CPEB1: variants seen among roughly 807,000 people sequenced by gnomAD.
The protein encoded by CPEB1 is cytoplasmic polyadenylation element-binding protein 1.
A neutral mutation model predicts 65.8 loss-of-function variants in CPEB1; 7 were observed. The ratio of observed to expected loss-of-function variants is 0.11; its 90% CI spans 0.06 to 0.20. The LOEUF (loss-of-function observed/expected upper bound fraction) is 0.20, where lower values mean the gene tolerates loss of function less well. Among genes scored for constraint, CPEB1 ranks in the 10% least tolerant of loss-of-function variants. The probability of loss-of-function intolerance (pLI) is 1.00; values close to 1 mark genes in which losing one functional copy is unlikely to be tolerated. For missense variants in CPEB1, 551 were observed against 712.2 expected, an observed-to-expected ratio of 0.77 and a Z score of 2.58; for synonymous variants, 262 against 260.0, an observed-to-expected ratio of 1.01 and a Z score of -0.08.
At chr15:82,630,100 G>A in intron 1 of CPEB1, 1 of 985,380 alleles carries the variant, frequency 1.0e-6, no homozygotes, top group Non-Finnish European at 1.2e-6. Flanking sequence ...AGGCTAAGAT[G>A]CAAAGATTTA....
intron 4 of CPEB1, among the ~76,000 whole-genome samples, chr15:82,562,620 G>C (rs1034389780): frequency 6.6e-6 from 1 of 152,004 alleles, no homozygotes; most frequent in Non-Finnish European, 1.5e-5. Context: ...CAGGAGGACT[G>C]CTTGAGACCA....
chr15:82,555,597 C>T (rs80128679), intron 6 of CPEB1, among the ~76,000 whole-genome samples: 5 of 152,340 alleles, frequency 3.3e-5, no homozygotes, highest in East Asian at 3.9e-4. Flanking sequence ...CTCCACGGAA[C>T]GGCACAAGTG....
At chr15:82,643,258 T>C (rs1170771591) in intron 1 of CPEB1, among the ~76,000 whole-genome samples, 2 of 152,204 alleles carry the variant, frequency 1.3e-5, no homozygotes, top group East Asian at 1.9e-4. Context: ...GAAAGCTATC[T>C]AGCTTGTGTC....
At chr15:82,614,492 A>C (rs2044497793) in intron 3 of CPEB1, among the ~76,000 whole-genome samples, 1 of 152,242 alleles carries the variant, frequency 6.6e-6, no homozygotes, top group Non-Finnish European at 1.5e-5. Flanking sequence ...AAAATTACTG[A>C]AGTCTAAATA....
chr15:82,543,630 C>T lies in CPEB1; in HGVS notation c.*962G>A, dbSNP rs1011830212. ...AGGGCTCCTGTGAGCCTTCATCTGC[C>T]CCCACCGAAAAGCAGCCCTTTTTAG... On this transcript the variant is annotated 3_prime_UTR_variant, in exon 13 of 13. Coordinates refer to ENST00000684509, the MANE Select transcript of CPEB1 (RefSeq NM_001365242.1). 6.6e-6 allele frequency: 1 copy of T among 151,994 alleles called. No homozygotes were observed. The highest frequency in any genetic ancestry group is 6.6e-5 in the Admixed American group (1 of 15,240). The allele number at this position is 151,994 out of a possible 1,614,324, so 9.4% of individuals were successfully genotyped here.
At chr15:82,624,245 A>T (rs1367796659) in intron 3 of CPEB1, among the ~76,000 whole-genome samples, 1 of 152,156 alleles carries the variant, frequency 6.6e-6, no homozygotes, top group African/African-American at 2.4e-5. Context: ...GAGAGAGTTC[A>T]CCACACATGG....
rs2036707761 is a variant in CPEB1, at chr15:82,553,792, GC to G, written c.1054+85del. ...ACCCTGAGCTCAGGCAGGGCATTCA[GC>G]CCCTGGCCTCAATTCCAAGTTTCAT... On this transcript the variant is annotated intron_variant, in intron 7 of 12. Transcript: ENST00000684509. 3.3e-5 allele frequency: 32 copies of G among 981,936 alleles called. No homozygotes were observed. The East Asian group carries it at 6.9e-4, about 21-fold the overall frequency. 60.8% of individuals were successfully genotyped at this position (981,936 alleles called of 1,614,324 possible).
chr15:82,639,129 G>A (rs147827431), intron 1 of CPEB1, among the ~76,000 whole-genome samples: 1 of 152,188 alleles, frequency 6.6e-6, no homozygotes, highest in African/African-American at 2.4e-5. Context: ...ACAGAGTAAA[G>A]GCCAAGTTCC....
chr15:82,628,291 G>C (rs1234964417), intron 2 of CPEB1, 73 bp downstream of exon 2: 1 of 702,446 alleles, frequency 1.4e-6, no homozygotes, highest in East Asian at 2.7e-5. Context: ...AGAAACTGTA[G>C]ATATGACAAA....
At chr15:82,591,989 G>A (rs547091765) in intron 3 of CPEB1, among the ~76,000 whole-genome samples, 7 of 151,482 alleles carry the variant, frequency 4.6e-5, no homozygotes, top group East Asian at 2.0e-4. Flanking sequence ...AGCTACAGGC[G>A]TGTGCCACCA....
At position 82,571,485 on chromosome 15, in the gene CPEB1, T is replaced by C. The variant is rs201068240; in HGVS notation, c.319A>G (p.Thr107Ala). 6.9e-5 allele frequency: 111 copies of C among 1,614,120 alleles called. No homozygotes were observed. The East Asian group carries it at 2.0e-3, about 29-fold the overall frequency. Residue 107 changes from threonine (T) to alanine (A), a missense_variant, in exon 4 of 13, where the codon ACC becomes GCC. Transcript: ENST00000684509. ...CCACGGGAAGATTCTTGCGCAGAGG[T>C]TGGGAAAAGCATCCTGCTTGTAACT... ...ETVTSRMLFP[T>A]SAQESSRGLP...
chr15:82,571,667 C>T, intron 3 of CPEB1, 135 bp from the exon 4 acceptor site: 1 of 1,448,396 alleles, frequency 6.9e-7, no homozygotes, highest in African/African-American at 1.4e-5. Flanking sequence ...GATGCTGCAG[C>T]CGCTGCCTCT....
At chr15:82,603,544 C>CATTAG (rs60589760) in intron 3 of CPEB1, among the ~76,000 whole-genome samples, 76,986 of 146,062 alleles carry the variant, frequency 0.53, 21,292 homozygotes, top group African/African-American at 0.71. Flanking sequence ...TGAAAGAAAG[C>CATTAG]ATTAGAAGGC....
chr15:82,642,481 G>T (rs1352128426), intron 1 of CPEB1, among the ~76,000 whole-genome samples: 1 of 152,184 alleles, frequency 6.6e-6, no homozygotes, highest in Non-Finnish European at 1.5e-5. Flanking sequence ...AGGGAGCTTT[G>T]AGGCTGCAGT....
At chr15:82,558,085 G>C in intron 4 of CPEB1, 99 bp from the exon 5 acceptor site, 1 of 773,758 alleles carries the variant, frequency 1.3e-6, no homozygotes. Flanking sequence ...GATACCAAAG[G>C]CAAGACAACT....
chr15:82,574,260 T>A (rs1016821705), intron 3 of CPEB1, among the ~76,000 whole-genome samples: 13 of 152,208 alleles, frequency 8.5e-5, no homozygotes, highest in Non-Finnish European at 1.5e-5. Context: ...ATGCAGGCCA[T>A]ACCTGTTAAA....
Position 82,564,209 on chromosome 15 carries a change from T to C in CPEB1, c.461-6223A>G, listed in dbSNP as rs536780457. ...TGAAAGACAGAGAGTACGTATTCCA[T>C]AGAGCCAGTACGCTAAGGCCCTACC... On this transcript the variant is annotated intron_variant, in intron 4 of 12. Transcript: ENST00000684509. Among the ~76,000 whole-genome samples the C allele has an allele frequency of 6.6e-5, 10 of 152,358 alleles. No homozygotes were observed. In the East Asian group the frequency reaches 1.9e-3, roughly 29 times the overall value.
chr15:82,623,613 T>C (rs1415519657), intron 3 of CPEB1, among the ~76,000 whole-genome samples: 1 of 152,046 alleles, frequency 6.6e-6, no homozygotes. Flanking sequence ...GAGTTGGAGG[T>C]TGCAGTGAGC....
At chr15:82,610,914 C>T (rs201020090) in intron 3 of CPEB1, among the ~76,000 whole-genome samples, 12 of 127,030 alleles carry the variant, frequency 9.4e-5, no homozygotes, top group African/African-American at 3.1e-4. Flanking sequence ...GCCAAGATCA[C>T]GCCACTGCAC....
Sources: allele counts gnomAD v4.1 joint callset (sites outside exome capture counted in the v4.1 genomes callset), GRCh38; gene constraint gnomAD v4.1.1; transcripts MANE v1.5; gene names NCBI Gene and HGNC (gene_info 2026-07-23, HGNC 2026-07-21).